The following CACNA1A variants were observed in gnomAD, a reference collection of about 807,000 sequenced individuals.
CACNA1A encodes voltage-dependent P/Q-type calcium channel subunit alpha-1A.
A neutral mutation model predicts 262.4 loss-of-function variants in CACNA1A; 57 were observed. That is an observed-to-expected ratio of 0.22 (90% CI 0.18 to 0.27). The LOEUF (loss-of-function observed/expected upper bound fraction) is 0.27, where lower values mean the gene tolerates loss of function less well. Among genes scored for constraint, CACNA1A ranks in the 10% least tolerant of loss-of-function variants. The probability of loss-of-function intolerance (pLI) is 1.00; values close to 1 mark genes in which losing one functional copy is unlikely to be tolerated. For missense variants in CACNA1A, 2,526 were observed against 3,562.8 expected (o/e 0.71, Z 7.41); for synonymous variants, 1,431 against 1,419.3 (o/e 1.01, Z -0.18).
chr19:13,264,052 C>T (rs1207251547), intron 24 of CACNA1A, among the ~76,000 whole-genome samples: 1 of 152,132 alleles, frequency 6.6e-6, no homozygotes, highest in Non-Finnish European at 1.5e-5. Context: ...GGTCTCTGAG[C>T]CCATCTTTGC....
intron 3 of CACNA1A, among the ~76,000 whole-genome samples, chr19:13,426,684 A>G (rs1166332902): frequency 6.6e-6 from 1 of 152,246 alleles, no homozygotes; most frequent in African/African-American, 2.4e-5. Flanking sequence ...CTAAAGAGGC[A>G]ACTGGTAAGC....
intron 19 of CACNA1A, among the ~76,000 whole-genome samples, chr19:13,297,123 G>C (rs2057681212): frequency 6.6e-6 from 1 of 152,176 alleles, no homozygotes. Context: ...TTATGTGTCA[G>C]CTGCTCTTCC....
chr19:13,232,191 TCTC>T (rs1319889084), intron 34 of CACNA1A, among the ~76,000 whole-genome samples: 1 of 146,532 alleles, frequency 6.8e-6, no homozygotes, highest in African/African-American at 2.7e-5. Context: ...TCCTTTCTTT[TCTC>T]TCTCTCTCTC....
chr19:13,448,123 T>TA (rs2060850274), intron 3 of CACNA1A, among the ~76,000 whole-genome samples: 1 of 146,854 alleles, frequency 6.8e-6, no homozygotes. Context: ...CCATCAATGA[T>TA]AGACTGGATA....
At chr19:13,377,730 A>T (rs1186553274) in intron 3 of CACNA1A, among the ~76,000 whole-genome samples, 1 of 152,174 alleles carries the variant, frequency 6.6e-6, no homozygotes, top group Non-Finnish European at 1.5e-5. Context: ...GATTTAAGGG[A>T]TACATTTCAT....
chr19:13,372,557 C>G (rs1485858766), intron 3 of CACNA1A, among the ~76,000 whole-genome samples: 4 of 152,190 alleles, frequency 2.6e-5, no homozygotes, highest in Admixed American at 2.6e-4. Context: ...AGATCTGCCA[C>G]TTTCCAGTTG....
At chr19:13,359,555 C>T in intron 6 of CACNA1A, 51 bp downstream of exon 6, 4 of 1,453,762 alleles carry the variant, frequency 2.8e-6, no homozygotes, top group African/African-American at 1.4e-5. Flanking sequence ...CCCAGGAGGC[C>T]ACCTCCCTGA....
At chr19:13,275,260 A>G (rs2057117181) in intron 24 of CACNA1A, 2 of 153,622 alleles carry the variant, frequency 1.3e-5, no homozygotes, top group South Asian at 2.0e-4. Context: ...CCATCTTGGG[A>G]TGACTACTAA....
At chr19:13,460,532 A>C (rs940102316) in intron 1 of CACNA1A, among the ~76,000 whole-genome samples, 2 of 152,198 alleles carry the variant, frequency 1.3e-5, no homozygotes, top group African/African-American at 4.8e-5. Flanking sequence ...AGCCTAATGC[A>C]TGTGGAAGTA....
chr19:13,337,086 G>T (rs1034616567), intron 6 of CACNA1A, among the ~76,000 whole-genome samples: 22 of 152,228 alleles, frequency 1.4e-4, no homozygotes, highest in African/African-American at 5.3e-4. Context: ...TTACTACCAG[G>T]TGTCTGTGAA....
chr19:13,281,808 G>A (rs529672462), intron 22 of CACNA1A, among the ~76,000 whole-genome samples: 2 of 152,362 alleles, frequency 1.3e-5, no homozygotes, highest in Admixed American at 1.3e-4. Flanking sequence ...CTGCGAGATG[G>A]ACGAGGGAGG....
At chr19:13,272,606 A>G (rs74615878) in intron 24 of CACNA1A, 2,177 of 152,160 alleles carry the variant, frequency 0.014, 23 homozygotes, top group Middle Eastern at 0.036. Flanking sequence ...AAAGAGAGGG[A>G]GAGAGAGAGA....
chr19:13,355,615 T>C (rs1600409499), intron 6 of CACNA1A, among the ~76,000 whole-genome samples: 2 of 152,210 alleles, frequency 1.3e-5, no homozygotes, highest in South Asian at 2.1e-4. Context: ...CACTGACTTC[T>C]CCAGGCACTG....
At chr19:13,474,638 GA>G (rs1978323626) in intron 1 of CACNA1A, among the ~76,000 whole-genome samples, 1 of 152,166 alleles carries the variant, frequency 6.6e-6, no homozygotes, top group Non-Finnish European at 1.5e-5. Context: ...CCAATATGGT[GA>G]AACCCCGTCT....
chr19:13,412,195 C>T (rs1293291600), intron 3 of CACNA1A, among the ~76,000 whole-genome samples: 2 of 151,560 alleles, frequency 1.3e-5, no homozygotes, highest in South Asian at 2.1e-4. Context: ...TGTTTCCACG[C>T]CGCCTCCAGT....
chr19:13,336,022 T>C, intron 6 of CACNA1A, 113 bp from the exon 7 acceptor site: 1 of 634,262 alleles, frequency 1.6e-6, no homozygotes, highest in Non-Finnish European at 2.8e-6. Context: ...TAAATGTTCT[T>C]GGCTTGTGGA....
At chr19:13,336,001 T>G in intron 6 of CACNA1A, 92 bp from the exon 7 acceptor site, 1 of 728,890 alleles carries the variant, frequency 1.4e-6, no homozygotes, top group Non-Finnish European at 2.4e-6. Flanking sequence ...GGTTCTCTTG[T>G]GGCTCTGTCT....
intron 1 of CACNA1A, among the ~76,000 whole-genome samples, chr19:13,484,147 A>T (rs542880859): frequency 6.6e-6 from 1 of 152,198 alleles, no homozygotes; most frequent in African/African-American, 2.4e-5. Context: ...CCCCCGTTCT[A>T]TAAAAAATGG....
chr19:13,338,624 T>G (rs757850507), intron 6 of CACNA1A, among the ~76,000 whole-genome samples: 1 of 152,142 alleles, frequency 6.6e-6, no homozygotes, highest in African/African-American at 2.4e-5. Context: ...GAAGCCAGAC[T>G]TCATTTATGC....
Sources: gnomAD v4.1 joint callset for allele counts (sites outside exome capture counted in the v4.1 genomes callset) on GRCh38, gnomAD v4.1.1 for gene constraint, MANE v1.5 for transcripts, NCBI Gene and HGNC (gene_info 2026-07-23, HGNC 2026-07-21) for gene names.